HTR1F: variants seen among roughly 807,000 people sequenced by gnomAD.
HTR1F encodes the protein 5-hydroxytryptamine receptor 1F.
A neutral mutation model predicts 24.0 loss-of-function variants in HTR1F; 17 were observed. The observed-to-expected ratio is 0.71, with a 90% CI of 0.48 to 1.06. The LOEUF (loss-of-function observed/expected upper bound fraction) is 1.06. Among genes scored for constraint, HTR1F ranks in the 50% least tolerant of loss-of-function variants. The probability of loss-of-function intolerance (pLI) is 0.00; values close to 1 mark genes in which losing one functional copy is unlikely to be tolerated. For synonymous variants in HTR1F, 186 were observed against 156.8 expected (o/e 1.19, Z -1.39); for missense variants, 391 against 427.8 (o/e 0.91, Z 0.76).
chr3:87,834,611 G>A (rs1218922464), intron 2 of HTR1F, among the ~76,000 whole-genome samples: 1 of 152,062 alleles, frequency 6.6e-6, no homozygotes, highest in Non-Finnish European at 1.5e-5. Context: ...AGTGATGAAT[G>A]GATATATGAA....
At chr3:87,929,353 C>T (rs561451585) in intron 2 of HTR1F, among the ~76,000 whole-genome samples, 1 of 152,160 alleles carries the variant, frequency 6.6e-6, no homozygotes, top group African/African-American at 2.4e-5. Context: ...AAGCACCATA[C>T]AACGTATATG....
chr3:87,792,915 G>GT (rs905133684), intron 1 of HTR1F, among the ~76,000 whole-genome samples, 73 bp downstream of exon 1: 164 of 152,362 alleles, frequency 1.1e-3, no homozygotes, highest in African/African-American at 3.8e-3. Flanking sequence ...TGGGGAAGGG[G>GT]TGTGGGGACG....
At chr3:87,975,293 A>C (rs1035967327) in intron 2 of HTR1F, among the ~76,000 whole-genome samples, 1 of 152,076 alleles carries the variant, frequency 6.6e-6, no homozygotes, top group African/African-American at 2.4e-5. Context: ...AATCTCAAAA[A>C]AAAATCCAAA....
chr3:87,921,674 T>C lies in HTR1F; in HGVS notation c.-42-69034T>C, dbSNP rs1435523683. 2.6e-5 allele frequency among the ~76,000 whole-genome samples: 4 copies of C among 151,906 alleles called. No homozygotes were observed. In the South Asian group the frequency reaches 6.2e-4, roughly 24 times the overall value. ...ATAGTGATATAGAACACTAGAATCC[T>C]ATCTAGCTGTATTTTTTTATTTGTT... On this transcript the variant is annotated intron_variant, in intron 2 of 2. Coordinates refer to ENST00000319595, the MANE Select transcript of HTR1F (RefSeq NM_001322209.2).
intron 2 of HTR1F, among the ~76,000 whole-genome samples, chr3:87,985,887 G>C (rs1272646122): frequency 6.6e-6 from 1 of 152,208 alleles, no homozygotes; most frequent in African/African-American, 2.4e-5. Context: ...TTTAAAAACT[G>C]AGTAAGCAGA....
intron 2 of HTR1F, among the ~76,000 whole-genome samples, chr3:87,908,463 C>G (rs1171637459): frequency 1.3e-5 from 2 of 151,858 alleles, no homozygotes; most frequent in African/African-American, 4.8e-5. Context: ...AAATGTTTCC[C>G]AACTGGGATA....
At chr3:87,967,649 C>A (rs764410229) in intron 2 of HTR1F, among the ~76,000 whole-genome samples, 9 of 152,008 alleles carry the variant, frequency 5.9e-5, no homozygotes, top group Non-Finnish European at 1.0e-4. Context: ...GTCACGAGAT[C>A]TGATGGTTTT....
At position 87,834,061 on chromosome 3, in the gene HTR1F, G is replaced by A. The variant is rs112823415; in HGVS notation, c.-43+11937G>A. Among the ~76,000 whole-genome samples the A allele has an allele frequency of 2.9e-3, 434 of 152,244 alleles. 4 individuals carry two copies. The highest frequency in any genetic ancestry group is 0.026 in the South Asian group (126 of 4,820). On this transcript the variant is annotated intron_variant, in intron 2 of 2. Coordinates refer to ENST00000319595, the MANE Select transcript of HTR1F (RefSeq NM_001322209.2). ...GGCAAGAAACTACTTAATAGGGTGA[G>A]TATTCCTAACTGTTGCAAACTATCT...
rs1189566528 is a variant in HTR1F at position 87,993,084 on chromosome 3, A to G, written c.*1234A>G. 4 of 167,056 alleles carry G rather than the reference A, an allele frequency of 2.4e-5. No individual in the cohort carries two copies. Among genetic ancestry groups the G allele is most frequent in the Non-Finnish European group, 5.9e-5 (4 of 68,114 alleles). The allele number at this position is 167,056 out of a possible 1,614,324, so 10.3% of individuals were successfully genotyped here. ...GAGAGGATTTTATTTTATTTGAACCAGCAAGGTCATAGACTACCTTTGGGA... is the reference window on the plus strand; with the variant it reads ...GAGAGGATTTTATTTTATTTGAACCGGCAAGGTCATAGACTACCTTTGGGA... On this transcript the variant is annotated 3_prime_UTR_variant, in exon 3 of 3. Coordinates refer to ENST00000319595, the MANE Select transcript of HTR1F (RefSeq NM_001322209.2).
At chr3:87,958,621 A>G (rs112884949) in intron 2 of HTR1F, among the ~76,000 whole-genome samples, 1,896 of 151,742 alleles carry the variant, frequency 0.012, 36 homozygotes, top group African/African-American at 0.043. Flanking sequence ...GAAGATTGCT[A>G]ATGACTTTCT....
chr3:87,984,271 C>A (rs1559658636), intron 2 of HTR1F, among the ~76,000 whole-genome samples: 2 of 152,214 alleles, frequency 1.3e-5, no homozygotes, highest in Non-Finnish European at 2.9e-5. Context: ...AAACTTTATA[C>A]ATATCTCCAT....
chr3:87,950,082 A>G (rs1704799882), intron 2 of HTR1F, among the ~76,000 whole-genome samples: 1 of 152,150 alleles, frequency 6.6e-6, no homozygotes, highest in Admixed American at 6.5e-5. Context: ...CTACCTTTGT[A>G]ACAGTCTTCT....
Position 87,897,316 on chromosome 3 carries a change from T to C in HTR1F, c.-43+75192T>C, listed in dbSNP as rs530566072. Among the ~76,000 whole-genome samples, 3 of 150,978 alleles carry C rather than the reference T, an allele frequency of 2.0e-5. No individual in the cohort carries two copies. The South Asian group carries it at 6.2e-4, about 31-fold the overall frequency. On this transcript the variant is annotated intron_variant, in intron 2 of 2. Coordinates refer to ENST00000319595, the MANE Select transcript of HTR1F (RefSeq NM_001322209.2). ...ACAACATGGATAGACATAAAAAACATAATGCTAAGTGAAATAAGCCAGACA... is the reference window on the plus strand; with the variant it reads ...ACAACATGGATAGACATAAAAAACACAATGCTAAGTGAAATAAGCCAGACA...
chr3:87,991,738 A>AT lies in HTR1F; in HGVS notation c.995dup (p.Leu332PhefsTer20). 1 of 1,613,880 alleles carries AT rather than the reference A, an allele frequency of 6.2e-7. No individual in the cohort carries two copies. Among genetic ancestry groups the AT allele is most frequent in the East Asian group, 2.2e-5 (1 of 44,868 alleles). On this transcript the variant is annotated frameshift_variant, in exon 3 of 3. Transcript: ENST00000319595. LOFTEE classifies it high-confidence loss of function. Reference sequence around the variant, plus strand: ...TGTAAAATTTCTGAAGAAATGTCCAATTTTTTGGCATGGCTTGGGTATCTC... The same window carrying AT: ...TGTAAAATTTCTGAAGAAATGTCCAATTTTTTTGGCATGGCTTGGGTATCTC...
intron 2 of HTR1F, among the ~76,000 whole-genome samples, chr3:87,836,377 T>G (rs1704683124): frequency 6.6e-6 from 1 of 152,198 alleles, no homozygotes. Context: ...AAGAGTCATA[T>G]AATAATGTGT....
chr3:87,931,006 A>G lies in HTR1F; in HGVS notation c.-42-59702A>G, dbSNP rs556175519. Among the ~76,000 whole-genome samples the G allele has an allele frequency of 1.2e-4, 18 of 147,096 alleles. No individual in the cohort carries two copies. The South Asian group carries it at 3.8e-3, about 31-fold the overall frequency. On this transcript the variant is annotated intron_variant, in intron 2 of 2. Transcript: ENST00000319595. ...CTATGTCATTCTTTTCAACAACAGC[A>G]TACTGTGCCATAGTCTTTCCTTTTT...
intron 2 of HTR1F, among the ~76,000 whole-genome samples, chr3:87,906,199 T>C (rs959495409): frequency 6.6e-6 from 1 of 152,096 alleles, no homozygotes; most frequent in Non-Finnish European, 1.5e-5. Flanking sequence ...CTTTTGAAAA[T>C]TGGTCTTCTG....
chr3:87,920,916 A>G (rs1470385555), intron 2 of HTR1F, among the ~76,000 whole-genome samples: 6 of 152,012 alleles, frequency 3.9e-5, no homozygotes, highest in Admixed American at 3.9e-4. Flanking sequence ...AACTAAGATG[A>G]TACTATGTCC....
At chr3:87,836,957 T>G (rs1405013905) in intron 2 of HTR1F, among the ~76,000 whole-genome samples, 1 of 152,074 alleles carries the variant, frequency 6.6e-6, no homozygotes, top group Non-Finnish European at 1.5e-5. Flanking sequence ...CTTTGTAGAT[T>G]ATGGGAAGAA....
Sources: allele counts gnomAD v4.1 joint callset (sites outside exome capture counted in the v4.1 genomes callset), GRCh38; gene constraint gnomAD v4.1.1; transcripts MANE v1.5; gene names NCBI Gene and HGNC (gene_info 2026-07-23, HGNC 2026-07-21).